Variants in DCAF6 observed in about 807,000 individuals in gnomAD.
DCAF6 encodes DDB1 and CUL4 associated factor 6.
DCAF6 carries 54 observed loss-of-function variants against 125.1 expected under a neutral mutation model. The observed-to-expected ratio is 0.43, with a 90% CI of 0.35 to 0.54. The LOEUF is 0.54. DCAF6 is among the 20% of genes least tolerant of loss of function. The probability of loss-of-function intolerance (pLI) is 0.01; values close to 1 mark genes in which losing one functional copy is unlikely to be tolerated. For synonymous variants in DCAF6, 371 were observed against 390.4 expected (o/e 0.95, Z 0.58); for missense variants, 934 against 1,161.7 (o/e 0.80, Z 2.85).
chr1:167,903,773 A>T, the DCAF6 span: 1 of 765,780 alleles, frequency 1.3e-6, no homozygotes, highest in Non-Finnish European at 2.3e-6. Context: ...TACACATTTC[A>T]TGGGGAAGAG....
the DCAF6 span, among the ~76,000 whole-genome samples, chr1:167,911,914 A>C: frequency 6.6e-6 from 1 of 152,238 alleles, no homozygotes. Flanking sequence ...ATGCATTTTG[A>C]GATTAAGATG....
intron 3 of DCAF6, among the ~76,000 whole-genome samples, chr1:167,968,175 A>G (rs920383246): frequency 6.6e-6 from 1 of 152,250 alleles, no homozygotes; most frequent in Non-Finnish European, 1.5e-5. Context: ...GAAACCACAC[A>G]GTAATTTCAA....
chr1:168,013,555 G>T (rs1337874770), intron 10 of DCAF6, among the ~76,000 whole-genome samples: 4 of 151,952 alleles, frequency 2.6e-5, no homozygotes, highest in Non-Finnish European at 5.9e-5. Flanking sequence ...AGGTTTTTAT[G>T]CACCTATTCA....
At chr1:167,973,017 AT>A (rs1194894132) in intron 3 of DCAF6, among the ~76,000 whole-genome samples, 1 of 152,204 alleles carries the variant, frequency 6.6e-6, no homozygotes, top group Non-Finnish European at 1.5e-5. Context: ...AATGTTACTA[AT>A]GCACAGCCAA....
At chr1:167,913,126 A>G in the DCAF6 span, among the ~76,000 whole-genome samples, 1 of 152,208 alleles carries the variant, frequency 6.6e-6, no homozygotes, top group Admixed American at 6.5e-5. Flanking sequence ...TACAGCATGA[A>G]CAGCATGGGT....
intron 11 of DCAF6, among the ~76,000 whole-genome samples, chr1:168,019,283 T>C (rs530068612): frequency 3.3e-5 from 5 of 152,228 alleles, no homozygotes; most frequent in East Asian, 1.9e-4. Flanking sequence ...CTCCTGACCT[T>C]GTGATCCACC....
At chr1:168,057,906 G>A (rs1691091575) in intron 17 of DCAF6, among the ~76,000 whole-genome samples, 1 of 152,106 alleles carries the variant, frequency 6.6e-6, no homozygotes, top group African/African-American at 2.4e-5. Flanking sequence ...TAAAAAACTC[G>A]CTGTAACTTA....
chr1:167,910,695 G>A, the DCAF6 span, among the ~76,000 whole-genome samples: 4,564 of 152,216 alleles, frequency 0.03, 234 homozygotes, highest in African/African-American at 0.1. Context: ...AGTATGTTCC[G>A]TAGGCATGGG....
chr1:167,955,436 G>A (rs985707711), intron 2 of DCAF6, among the ~76,000 whole-genome samples: 13 of 150,370 alleles, frequency 8.6e-5, no homozygotes, highest in Non-Finnish European at 3.0e-5. Flanking sequence ...AGCATTTGGT[G>A]TGGTCAGTTT....
intron 12 of DCAF6, among the ~76,000 whole-genome samples, chr1:168,030,860 G>A (rs1159778882): frequency 6.6e-6 from 1 of 152,196 alleles, no homozygotes; most frequent in Non-Finnish European, 1.5e-5. Flanking sequence ...ATTAACAGGT[G>A]ACTTTTTCAG....
chr1:167,909,063 G>C, the DCAF6 span, among the ~76,000 whole-genome samples: 71 of 152,166 alleles, frequency 4.7e-4, 1 homozygote, highest in Admixed American at 3.5e-3. Flanking sequence ...CCACCTTCAA[G>C]TCACTACCCT....
intron 11 of DCAF6, among the ~76,000 whole-genome samples, chr1:168,019,113 ATCTT>A (rs772576222): frequency 5.3e-5 from 8 of 150,838 alleles, no homozygotes; most frequent in East Asian, 1.9e-4. Flanking sequence ...CAGTGGTGCT[ATCTT>A]GGCTCACTGC....
chr1:167,894,843 A>G, the DCAF6 span, among the ~76,000 whole-genome samples: 2 of 152,160 alleles, frequency 1.3e-5, no homozygotes, highest in Non-Finnish European at 2.9e-5. Context: ...TTTGTAGAGG[A>G]TTCAACCAAT....
the DCAF6 span, among the ~76,000 whole-genome samples, chr1:167,864,374 G>C: frequency 2.6e-4 from 39 of 152,298 alleles, no homozygotes; most frequent in African/African-American, 8.9e-4. Flanking sequence ...GTGTAAAATA[G>C]ACTGGCCAAC....
chr1:167,887,277 C>A, the DCAF6 span, among the ~76,000 whole-genome samples: 1 of 152,148 alleles, frequency 6.6e-6, no homozygotes, highest in Non-Finnish European at 1.5e-5. Context: ...TTCACAATAG[C>A]AAAGACCTGG....
the DCAF6 span, among the ~76,000 whole-genome samples, chr1:167,871,000 A>G: frequency 6.6e-6 from 1 of 152,190 alleles, no homozygotes; most frequent in Non-Finnish European, 1.5e-5. Context: ...ATTATAGTGT[A>G]GAAAACTGAG....
the DCAF6 span, chr1:167,924,592 T>C: frequency 7.8e-7 from 1 of 1,278,528 alleles, no homozygotes; most frequent in East Asian, 2.6e-5. Context: ...ATTATACACG[T>C]CTTTTAACAG....
chr1:168,070,610 T>G (rs992215578), intron 21 of DCAF6, among the ~76,000 whole-genome samples: 3 of 152,196 alleles, frequency 2.0e-5, no homozygotes, highest in Non-Finnish European at 4.4e-5. Flanking sequence ...CTGCTAAAGA[T>G]TCTGGTTCAT....
At chr1:168,062,873 T>A (rs917638431) in intron 17 of DCAF6, among the ~76,000 whole-genome samples, 5 of 151,634 alleles carry the variant, frequency 3.3e-5, no homozygotes, top group Admixed American at 2.6e-4. Flanking sequence ...AAGAAGATGC[T>A]ATTTGAAGGC....
Sources: gnomAD v4.1 joint callset for allele counts (sites outside exome capture counted in the v4.1 genomes callset) on GRCh38, gnomAD v4.1.1 for gene constraint, MANE v1.5 for transcripts, NCBI Gene and HGNC (gene_info 2026-07-23, HGNC 2026-07-21) for gene names.